Variants in AGAP1 observed in about 807,000 individuals in gnomAD.
AGAP1 encodes ArfGAP with GTPase domain, ankyrin repeat and PH domain 1.
Under a neutral mutation model 105.3 loss-of-function variants are expected in AGAP1, and 29 were observed. The observed-to-expected ratio is 0.28, with a 90% CI of 0.21 to 0.38. AGAP1 has a LOEUF of 0.38. AGAP1 is among the 10% of genes least tolerant of loss of function. The pLI is 1.00. For missense variants in AGAP1, 998 were observed against 1,165.1 expected, an observed-to-expected ratio of 0.86 and a Z score of 2.09; for synonymous variants, 509 against 485.9, an observed-to-expected ratio of 1.05 and a Z score of -0.63.
At chr2:236,106,149 C>A (rs1157468611) in intron 16 of AGAP1, among the ~76,000 whole-genome samples, 1 of 152,262 alleles carries the variant, frequency 6.6e-6, no homozygotes, top group Non-Finnish European at 1.5e-5. Flanking sequence ...CCCTAGGCAT[C>A]AGGATGTCTG....
chr2:236,077,302 C>T (rs1331050667), intron 16 of AGAP1, among the ~76,000 whole-genome samples: 7 of 150,424 alleles, frequency 4.7e-5, no homozygotes, highest in Admixed American at 6.7e-5. Context: ...TGAACATCTT[C>T]TCATGTCCTT....
intron 1 of AGAP1, among the ~76,000 whole-genome samples, chr2:235,548,879 A>G (rs1425501138): frequency 1.3e-5 from 2 of 152,188 alleles, no homozygotes; most frequent in Non-Finnish European, 2.9e-5. Flanking sequence ...GTTTTTGAAC[A>G]TAAAGGGTTA....
chr2:235,921,218 A>T (rs543891280), intron 11 of AGAP1, among the ~76,000 whole-genome samples: 1 of 152,244 alleles, frequency 6.6e-6, no homozygotes, highest in Admixed American at 6.5e-5. Context: ...AAATGGTGAT[A>T]TAAATTATCT....
At chr2:235,709,776 A>G (rs1447129682) in intron 2 of AGAP1, among the ~76,000 whole-genome samples, 1 of 152,226 alleles carries the variant, frequency 6.6e-6, no homozygotes, top group Admixed American at 6.5e-5. Context: ...GAAATTATGT[A>G]GAGCTTCAAA....
intron 16 of AGAP1, among the ~76,000 whole-genome samples, chr2:236,081,991 C>T (rs1404136542): frequency 2.6e-5 from 4 of 152,058 alleles, no homozygotes; most frequent in East Asian, 1.9e-4. Flanking sequence ...AATTTAGAGA[C>T]AGGAAATATA....
chr2:235,622,579 C>G lies in AGAP1; in HGVS notation c.164-86600C>G, dbSNP rs758025601. ...GCCCAGTTGCTCCTCTTGGTGGACT[C>G]ACTAAGTCAACTTTGACGCTTCAGC... is the stretch of plus-strand genomic sequence containing the variant. On this transcript the variant is annotated intron_variant, in intron 1 of 17. Coordinates refer to ENST00000304032, the MANE Select transcript of AGAP1 (RefSeq NM_001037131.3). This position sits in a 1 kb window ranked among gnomAD's most constrained non-coding sequence, Gnocchi z 5.0. 6.6e-6 allele frequency among the ~76,000 whole-genome samples: 1 copy of G among 152,080 alleles called. No individual in the cohort carries two copies. Among genetic ancestry groups the G allele is most frequent in the Non-Finnish European group, 1.5e-5 (1 of 68,024 alleles).
intron 1 of AGAP1, among the ~76,000 whole-genome samples, chr2:235,686,588 C>CACAT (rs1553605459): frequency 4.6e-5 from 5 of 108,514 alleles, no homozygotes; most frequent in African/African-American, 1.7e-4. Context: ...CACACACACA[C>CACAT]GTGTGTGTGT....
At chr2:235,920,318 A>G (rs1326305582) in intron 11 of AGAP1, among the ~76,000 whole-genome samples, 2 of 152,010 alleles carry the variant, frequency 1.3e-5, no homozygotes, top group Non-Finnish European at 2.9e-5. Context: ...CATGATATCC[A>G]CTCCCAACAT....
chr2:235,870,090 G>A (rs551267778), intron 9 of AGAP1, among the ~76,000 whole-genome samples: 18 of 152,196 alleles, frequency 1.2e-4, no homozygotes, highest in Middle Eastern at 3.4e-3. Flanking sequence ...TGCCATCTTC[G>A]GACACTAGCT....
intron 1 of AGAP1, among the ~76,000 whole-genome samples, chr2:235,594,469 C>T (rs182108812): frequency 6.6e-6 from 1 of 152,094 alleles, no homozygotes; most frequent in African/African-American, 2.4e-5. Flanking sequence ...TTCTGTCCTT[C>T]CTTCCTCTGA....
intron 6 of AGAP1, among the ~76,000 whole-genome samples, chr2:235,756,839 G>A (rs761725827): frequency 1.3e-5 from 2 of 152,080 alleles, no homozygotes; most frequent in Non-Finnish European, 2.9e-5. Context: ...AGGTGGAACC[G>A]TTTCATCCCA....
chr2:235,678,084 C>T (rs564236831), intron 1 of AGAP1, among the ~76,000 whole-genome samples: 35 of 151,872 alleles, frequency 2.3e-4, no homozygotes, highest in African/African-American at 7.5e-4. Context: ...CTTATGGTGC[C>T]GGTGAGCCTG....
At position 235,612,639 on chromosome 2, in the gene AGAP1, G is replaced by A. The variant is rs888945782; in HGVS notation, c.164-96540G>A. 5.3e-5 allele frequency among the ~76,000 whole-genome samples: 8 copies of A among 152,222 alleles called. No individual in the cohort carries two copies. The highest frequency in any genetic ancestry group is 8.8e-5 in the Non-Finnish European group (6 of 68,048). On this transcript the variant is annotated intron_variant, in intron 1 of 17. Coordinates refer to ENST00000304032, the MANE Select transcript of AGAP1 (RefSeq NM_001037131.3). The surrounding 1 kb of genome is among the most constrained non-coding windows in gnomAD (Gnocchi z 4.3). Reference sequence around the variant, plus strand: ...GAAACTCATGTTAAGAACAGTTGTGGTTCACGTGTACCAAACTTGGGAAAT... The same window carrying A: ...GAAACTCATGTTAAGAACAGTTGTGATTCACGTGTACCAAACTTGGGAAAT...
At chr2:235,860,410 C>G (rs2048882013) in intron 9 of AGAP1, among the ~76,000 whole-genome samples, 1 of 151,920 alleles carries the variant, frequency 6.6e-6, no homozygotes, top group African/African-American at 2.4e-5. Context: ...TGAGGATTAC[C>G]TTTTTCTAAC....
chr2:235,508,608 C>T (rs190858985), intron 1 of AGAP1, among the ~76,000 whole-genome samples: 9 of 152,210 alleles, frequency 5.9e-5, no homozygotes, highest in East Asian at 1.9e-4. Flanking sequence ...TGACTGCCTG[C>T]GATTACAGGT....
intron 1 of AGAP1, among the ~76,000 whole-genome samples, chr2:235,686,650 TATATATATATATA>T (rs1290387414): frequency 8.1e-4 from 37 of 45,920 alleles, no homozygotes; most frequent in African/African-American, 1.1e-3. Flanking sequence ...TATATAGATA[TATATATATATATA>T]TATTTTTTTT....
rs114631559 is a variant in AGAP1, at chr2:235,642,807, G to A, written c.164-66372G>A. 2.1e-3 allele frequency among the ~76,000 whole-genome samples: 322 copies of A among 152,318 alleles called. 3 individuals are homozygous for A. The highest frequency in any genetic ancestry group is 3.0e-3 in the Non-Finnish European group (203 of 68,032). On this transcript the variant is annotated intron_variant, in intron 1 of 17. Coordinates refer to ENST00000304032, the MANE Select transcript of AGAP1 (RefSeq NM_001037131.3). The surrounding 1 kb of genome is among the most constrained non-coding windows in gnomAD (Gnocchi z 4.1). ...GAGAAGTAGTTATCTCATTGTCTTG[G>A]AATAAAATTATTTTGCTTTGCAAAG...
chr2:235,951,278 TC>T lies in AGAP1; in HGVS notation c.1484-17181del, dbSNP rs1255739338. Among the ~76,000 whole-genome samples, 1 of 152,142 alleles carries T rather than the reference TC, an allele frequency of 6.6e-6. No individual in the cohort carries two copies. The highest frequency in any genetic ancestry group is 1.5e-5 in the Non-Finnish European group (1 of 68,028). On this transcript the variant is annotated intron_variant, in intron 12 of 17. Transcript: ENST00000304032. The surrounding 1 kb of genome is among the most constrained non-coding windows in gnomAD (Gnocchi z 4.2). ...GTGGAGGTGTTGGTGGAGATAGTTA[TC>T]CCAAGTAGAATACTCGATCGATGTC...
chr2:236,008,532 T>C (rs1446457643), intron 13 of AGAP1, among the ~76,000 whole-genome samples: 1 of 152,262 alleles, frequency 6.6e-6, no homozygotes, highest in Non-Finnish European at 1.5e-5. Context: ...CTCTTGGTGT[T>C]GTACTGAAAT....
Sources: allele counts gnomAD v4.1 joint callset (sites outside exome capture counted in the v4.1 genomes callset), GRCh38; gene constraint gnomAD v4.1.1; non-coding constraint Gnocchi (gnomAD v3.1); transcripts MANE v1.5; gene names NCBI Gene and HGNC (gene_info 2026-07-23, HGNC 2026-07-21).